Variants in CPVL observed in about 807,000 individuals in gnomAD.
The protein encoded by CPVL is probable serine carboxypeptidase CPVL.
Under a neutral mutation model 63.7 loss-of-function variants are expected in CPVL, and 51 were observed. The observed-to-expected ratio is 0.80, with a 90% CI of 0.64 to 1.01. CPVL has a LOEUF of 1.01. Ranked by LOEUF, CPVL falls within the 50% of genes least tolerant of loss-of-function variation. CPVL has a pLI of 0.00. For missense variants in CPVL, 530 were observed against 573.1 expected, an observed-to-expected ratio of 0.92 and a Z score of 0.77; for synonymous variants, 195 against 206.0, an observed-to-expected ratio of 0.95 and a Z score of 0.46.
chr7:29,006,539 C>G (rs1462559269), intron 12 of CPVL, among the ~76,000 whole-genome samples: 3 of 152,138 alleles, frequency 2.0e-5, no homozygotes, highest in Non-Finnish European at 4.4e-5. Flanking sequence ...CAAGACCATG[C>G]TACAACATCT....
chr7:29,151,577 C>A (rs994632878), intron 5 of CPVL, among the ~76,000 whole-genome samples: 17 of 152,126 alleles, frequency 1.1e-4, no homozygotes, highest in African/African-American at 3.9e-4. Flanking sequence ...GTTTGCCCAA[C>A]ACTTTTTATA....
At chr7:29,194,279 A>G (rs1584680876) in intron 1 of CPVL, 1 of 120,210 alleles carries the variant, frequency 8.3e-6, no homozygotes, top group Non-Finnish European at 1.7e-5. Context: ...CGGCCTCCCC[A>G]GCACCCCGGG....
intron 7 of CPVL, among the ~76,000 whole-genome samples, chr7:29,085,284 T>C (rs1785094093): frequency 6.6e-6 from 1 of 152,200 alleles, no homozygotes. Flanking sequence ...AGGACATGCT[T>C]GGAGGCTAAT....
intron 1 of CPVL, among the ~76,000 whole-genome samples, chr7:29,122,862 T>C (rs890872950): frequency 1.8e-4 from 27 of 152,322 alleles, no homozygotes; most frequent in African/African-American, 6.5e-4. Flanking sequence ...TGACACTTTC[T>C]TAAGTTTTAC....
At chr7:29,091,987 G>A (rs1419575344) in intron 6 of CPVL, among the ~76,000 whole-genome samples, 3 of 152,056 alleles carry the variant, frequency 2.0e-5, no homozygotes, top group Non-Finnish European at 2.9e-5. Flanking sequence ...TACATAAAGC[G>A]GTGCCCTAGT....
chr7:29,194,031 G>T (rs1181326671), intron 1 of CPVL: 1 of 152,328 alleles, frequency 6.6e-6, no homozygotes, highest in Non-Finnish European at 1.5e-5. Context: ...ATTTGGAGAG[G>T]AGTGGAAGGA....
At chr7:29,083,341 A>T (rs1228416734) in intron 7 of CPVL, among the ~76,000 whole-genome samples, 1 of 152,152 alleles carries the variant, frequency 6.6e-6, no homozygotes. Flanking sequence ...AGGCCTTATG[A>T]TTCAGAGTGT....
intron 1 of CPVL, chr7:29,194,880 G>GGGCAGC: frequency 7.3e-7 from 1 of 1,376,284 alleles, no homozygotes; most frequent in South Asian, 1.7e-5. Context: ...GGCCGGGCGA[G>GGGCAGC]GGCAGCGGCG....
intron 2 of CPVL, 52 bp downstream of exon 2, chr7:29,120,841 G>T: frequency 3.6e-4 from 403 of 1,115,286 alleles, no homozygotes; most frequent in Middle Eastern, 6.0e-4. Flanking sequence ...AAAAAAAAGA[G>T]AAACTGTTGA....
At chr7:29,156,217 A>G (rs1359091118) in intron 5 of CPVL, among the ~76,000 whole-genome samples, 1 of 152,170 alleles carries the variant, frequency 6.6e-6, no homozygotes, top group African/African-American at 2.4e-5. Flanking sequence ...TGTGTTTAGA[A>G]GTTCTTCTGT....
chr7:29,175,702 A>G lies in CPVL; in HGVS notation c.-11+5588T>C, dbSNP rs141543375. ...ACACAGATAAATTGATTGATAGCCA[A>G]CGGGAAGGAGAGTAGTAGAAGATAA... On this transcript the variant is annotated intron_variant, in intron 5 of 16. Transcript: ENST00000409850. Among the ~76,000 whole-genome samples the G allele has an allele frequency of 3.7e-3, 565 of 152,322 alleles. 2 individuals are homozygous for G. Among genetic ancestry groups the G allele is most frequent in the African/African-American group, 9.5e-3 (394 of 41,562 alleles).
chr7:29,047,885 C>T (rs1324485706), intron 11 of CPVL, among the ~76,000 whole-genome samples: 1 of 152,190 alleles, frequency 6.6e-6, no homozygotes, highest in African/African-American at 2.4e-5. Flanking sequence ...GGGGCCCTAT[C>T]TTCAGCCTCC....
At chr7:29,056,170 A>G (rs922358217) in intron 11 of CPVL, among the ~76,000 whole-genome samples, 2 of 152,206 alleles carry the variant, frequency 1.3e-5, no homozygotes, top group Non-Finnish European at 2.9e-5. Context: ...TGTTACACTA[A>G]CAAAGCTACA....
chr7:29,049,900 G>A (rs1266683966), intron 11 of CPVL, among the ~76,000 whole-genome samples: 1 of 152,068 alleles, frequency 6.6e-6, no homozygotes, highest in Admixed American at 6.6e-5. Context: ...CACATAAACA[G>A]AATTAAAAAC....
At chr7:29,191,214 G>C (rs1167288621) in intron 1 of CPVL, among the ~76,000 whole-genome samples, 1 of 152,132 alleles carries the variant, frequency 6.6e-6, no homozygotes, top group Non-Finnish European at 1.5e-5. Flanking sequence ...TTATAGGCAT[G>C]AGCCACCAGG....
At chr7:29,022,996 G>C (rs770196846) in intron 12 of CPVL, among the ~76,000 whole-genome samples, 4 of 152,252 alleles carry the variant, frequency 2.6e-5, no homozygotes, top group Non-Finnish European at 5.9e-5. Context: ...GCAGTCACCT[G>C]TATATGTACC....
chr7:29,019,036 T>C (rs1328892776), intron 12 of CPVL, among the ~76,000 whole-genome samples: 4 of 148,276 alleles, frequency 2.7e-5, no homozygotes, highest in African/African-American at 7.6e-5. Context: ...ATATGGTATA[T>C]AGAGATAGGT....
intron 11 of CPVL, among the ~76,000 whole-genome samples, chr7:29,052,557 C>T (rs954779995): frequency 2.0e-5 from 3 of 150,510 alleles, no homozygotes; most frequent in East Asian, 2.0e-4. Context: ...AATAAAAAGA[C>T]AACCCAGAGA....
At chr7:29,048,763 C>T (rs1465159037) in intron 11 of CPVL, among the ~76,000 whole-genome samples, 3 of 152,036 alleles carry the variant, frequency 2.0e-5, no homozygotes, top group Non-Finnish European at 4.4e-5. Context: ...CAAGATAGAC[C>T]AAACGACAGG....
Sources: allele counts gnomAD v4.1 joint callset (sites outside exome capture counted in the v4.1 genomes callset), GRCh38; gene constraint gnomAD v4.1.1; transcripts MANE v1.5; gene names NCBI Gene and HGNC (gene_info 2026-07-23, HGNC 2026-07-21).